Variants in TMEM263 observed in about 807,000 individuals in gnomAD.
The protein encoded by TMEM263 is UPF0444 transmembrane protein C12orf23.
In TMEM263, 5 loss-of-function variants were observed where a neutral mutation model predicts 8.6. That is an observed-to-expected ratio of 0.58 (90% CI 0.31 to 1.23). The LOEUF is 1.23. Ranked by LOEUF, TMEM263 falls within the 50% of genes most tolerant of loss-of-function variation. The pLI is 0.07. For missense variants in TMEM263, 104 were observed against 138.8 expected (o/e 0.75, Z 1.26); for synonymous variants, 50 against 47.9 (o/e 1.04, Z -0.18).
At position 106,973,356 on chromosome 12, in the gene TMEM263, A is replaced by G. The variant is rs1370530351; in HGVS notation, c.*1965A>G. ...TTGCTAGTTTGTATTTCTAACTTCT[A>G]CAGTTATAGACTCCACTGTGCTTTG... On this transcript the variant is annotated 3_prime_UTR_variant, in exon 4 of 4. Coordinates refer to ENST00000280756, the MANE Select transcript of TMEM263 (RefSeq NM_152261.4). The G allele has an allele frequency of 6.6e-6, 1 of 152,550 alleles. No homozygotes were observed. The highest frequency in any genetic ancestry group is 1.5e-5 in the Non-Finnish European group (1 of 68,004). 9.4% of individuals were successfully genotyped at this position (152,550 alleles called of 1,614,324 possible).
chr12:106,971,591 C>T lies in TMEM263; in HGVS notation c.*200C>T, dbSNP rs1196954728. The T allele has an allele frequency of 2.1e-6, 1 of 474,842 alleles. No individual in the cohort carries two copies. The allele number at this position is 474,842 out of a possible 1,614,324, so 29.4% of individuals were successfully genotyped here. ...ATGAAGGTTTCTCATACTTAAGTTC[C>T]AGGTTTTTATCTGGTAAAATGTTAC... On this transcript the variant is annotated 3_prime_UTR_variant, in exon 4 of 4. Coordinates refer to ENST00000280756, the MANE Select transcript of TMEM263 (RefSeq NM_152261.4).
chr12:106,969,198 T>G (rs1206574370), intron 3 of TMEM263, among the ~76,000 whole-genome samples: 1 of 152,156 alleles, frequency 6.6e-6, no homozygotes, highest in Non-Finnish European at 1.5e-5. Context: ...ATTGGAAAGC[T>G]CAGTTTTCAG....
At chr12:106,965,265 C>A (rs914145053) in intron 2 of TMEM263, among the ~76,000 whole-genome samples, 2 of 152,132 alleles carry the variant, frequency 1.3e-5, no homozygotes, top group African/African-American at 4.8e-5. Context: ...AGTGTCATCG[C>A]AGTAAAGCCT....
At chr12:106,958,158 C>T (rs1015680333) in intron 2 of TMEM263, among the ~76,000 whole-genome samples, 3 of 152,116 alleles carry the variant, frequency 2.0e-5, no homozygotes, top group South Asian at 2.1e-4. Context: ...TGTTGAATAA[C>T]AGGTGGTTTT....
chr12:106,957,121 C>G lies in TMEM263; in HGVS notation c.-35C>G. The G allele has an allele frequency of 1.0e-6, 1 of 985,658 alleles. No individual in the cohort carries two copies. The highest frequency in any genetic ancestry group is 1.2e-6 in the Non-Finnish European group (1 of 830,312). 61.1% of individuals were successfully genotyped at this position (985,658 alleles called of 1,614,324 possible). A position where few individuals can be genotyped will look rare whatever the true frequency, so the allele number is the denominator to read the frequency against. On this transcript the variant is annotated 5_prime_UTR_variant, in exon 2 of 4. Coordinates refer to ENST00000280756, the MANE Select transcript of TMEM263 (RefSeq NM_152261.4). Reference sequence around the variant, plus strand: ...GCTGGTGTGAGTGCCCTCAGGGGTTCCCCAGGAATATCGATACAACACCAA... The same window carrying G: ...GCTGGTGTGAGTGCCCTCAGGGGTTGCCCAGGAATATCGATACAACACCAA...
chr12:106,973,363 T>A lies in TMEM263; in HGVS notation c.*1972T>A, dbSNP rs763370877. On this transcript the variant is annotated 3_prime_UTR_variant, in exon 4 of 4. Coordinates refer to ENST00000280756, the MANE Select transcript of TMEM263 (RefSeq NM_152261.4). ...TTTGTATTTCTAACTTCTACAGTTA[T>A]AGACTCCACTGTGCTTTGTGTCTGA... The A allele has an allele frequency of 6.6e-6, 1 of 152,608 alleles. No homozygotes were observed. Among genetic ancestry groups the A allele is most frequent in the African/African-American group, 2.4e-5 (1 of 41,468 alleles). The allele number at this position is 152,608 out of a possible 1,614,324, so 9.5% of individuals were successfully genotyped here.
At chr12:106,961,414 G>A (rs947784529) in intron 2 of TMEM263, among the ~76,000 whole-genome samples, 2 of 151,892 alleles carry the variant, frequency 1.3e-5, no homozygotes, top group African/African-American at 2.4e-5. Flanking sequence ...ACAAAAACAT[G>A]TACCAACAAA....
intron 2 of TMEM263, among the ~76,000 whole-genome samples, chr12:106,961,244 T>A (rs1951774096): frequency 7.6e-6 from 1 of 132,158 alleles, no homozygotes; most frequent in Non-Finnish European, 1.7e-5. Context: ...TTTTTTTTTT[T>A]TTTTTTTTTT....
At chr12:106,958,214 C>T (rs1420421132) in intron 2 of TMEM263, among the ~76,000 whole-genome samples, 2 of 152,050 alleles carry the variant, frequency 1.3e-5, no homozygotes, top group East Asian at 1.9e-4. Flanking sequence ...TGTAGTTAAG[C>T]TTTATATAAC....
In TMEM263 at chr12:106,957,114, A is replaced by C. The variant is rs1304041348; in HGVS notation, c.-42A>C. The stretch of plus-strand genomic sequence containing the variant: ...AACTTCTGCTGGTGTGAGTGCCCTC[A>C]GGGGTTCCCCAGGAATATCGATACA... On this transcript the variant is annotated 5_prime_UTR_variant, in exon 2 of 4. Transcript: ENST00000280756. 1 of 985,388 alleles carries C rather than the reference A, an allele frequency of 1.0e-6. No homozygotes were observed. The highest frequency in any genetic ancestry group is 1.2e-6 in the Non-Finnish European group (1 of 830,236). 61.0% of individuals were successfully genotyped at this position (985,388 alleles called of 1,614,324 possible). A position where few individuals can be genotyped will look rare whatever the true frequency, so the allele number is the denominator to read the frequency against.
intron 2 of TMEM263, among the ~76,000 whole-genome samples, chr12:106,962,567 C>T (rs776928998): frequency 6.6e-6 from 1 of 152,174 alleles, no homozygotes; most frequent in Non-Finnish European, 1.5e-5. Context: ...TTTCCTTGAT[C>T]ATATCACCCA....
chr12:106,962,422 C>T (rs1452919691), intron 2 of TMEM263, among the ~76,000 whole-genome samples: 1 of 152,200 alleles, frequency 6.6e-6, no homozygotes, highest in Non-Finnish European at 1.5e-5. Flanking sequence ...ATAAATTCCT[C>T]TCTTGCGTTC....
At chr12:106,958,682 G>A (rs957909351) in intron 2 of TMEM263, among the ~76,000 whole-genome samples, 2 of 152,202 alleles carry the variant, frequency 1.3e-5, no homozygotes, top group Admixed American at 1.3e-4. Context: ...GGACCAAAAG[G>A]TAGAACTGAT....
intron 2 of TMEM263, among the ~76,000 whole-genome samples, chr12:106,960,149 CT>C (rs2136758661): frequency 6.6e-6 from 1 of 152,198 alleles, no homozygotes; most frequent in East Asian, 1.9e-4. Flanking sequence ...ATTCTCCTGC[CT>C]CAGCCTCCTG....
At position 106,971,095 on chromosome 12, in the gene TMEM263, C is replaced by T. The variant is rs10778520; in HGVS notation, c.65-10C>T. ...ATATTTGATTGTCTCATGATATTTT[C>T]TCTCATTAGGTTCAATGAAAGATCA... On this transcript the variant is annotated splice_polypyrimidine_tract_variant and intron_variant, in intron 3 of 3. Transcript: ENST00000280756. 0.42 allele frequency: 684,114 copies of T among 1,610,968 alleles called. 147,900 individuals are homozygous for T. Among genetic ancestry groups the T allele is most frequent in the Admixed American group, 0.55 (33,110 of 59,798 alleles).
chr12:106,959,859 C>T (rs1054967093), intron 2 of TMEM263, among the ~76,000 whole-genome samples: 1 of 152,046 alleles, frequency 6.6e-6, no homozygotes. Flanking sequence ...TATAAGGTAA[C>T]TCAGTGTCTT....
chr12:106,958,965 A>G (rs560175490), intron 2 of TMEM263, among the ~76,000 whole-genome samples: 1 of 152,348 alleles, frequency 6.6e-6, no homozygotes, highest in East Asian at 1.9e-4. Flanking sequence ...GAGAGCAGAT[A>G]TATTTGTTTC....
At chr12:106,959,845 CCTT>C (rs1951746343) in intron 2 of TMEM263, among the ~76,000 whole-genome samples, 1 of 151,948 alleles carries the variant, frequency 6.6e-6, no homozygotes, top group Non-Finnish European at 1.5e-5. Context: ...TTAGCAAATA[CCTT>C]TATAAGGTAA....
chr12:106,973,729 T>C lies in TMEM263; in HGVS notation c.*2338T>C, dbSNP rs1179022736. 6.6e-6 allele frequency: 1 copy of C among 152,646 alleles called. No individual in the cohort carries two copies. Among genetic ancestry groups the C allele is most frequent in the Non-Finnish European group, 1.5e-5 (1 of 68,030 alleles). The allele number at this position is 152,646 out of a possible 1,614,324, so 9.5% of individuals were successfully genotyped here. A position where few individuals can be genotyped will look rare whatever the true frequency, so the allele number is the denominator to read the frequency against. On this transcript the variant is annotated 3_prime_UTR_variant, in exon 4 of 4. Transcript: ENST00000280756. ...AGCAGTTTGACCTGTTAAACAGGACTAGTTCAAGTCAAGAAACTAAGGTTG... is the reference window on the plus strand; with the variant it reads ...AGCAGTTTGACCTGTTAAACAGGACCAGTTCAAGTCAAGAAACTAAGGTTG...
Sources: gnomAD v4.1 joint callset for allele counts (sites outside exome capture counted in the v4.1 genomes callset) on GRCh38, gnomAD v4.1.1 for gene constraint, MANE v1.5 for transcripts, NCBI Gene and HGNC (gene_info 2026-07-23, HGNC 2026-07-21) for gene names.